Variants in TCF12 observed in about 807,000 individuals in gnomAD.
The protein encoded by TCF12 is DNA-binding protein HTF4.
TCF12 carries 45 observed loss-of-function variants against 86.0 expected under a neutral mutation model. That is an observed-to-expected ratio of 0.52 (90% confidence interval 0.41 to 0.67). The LOEUF is 0.67. Among genes scored for constraint, TCF12 ranks in the 30% least tolerant of loss-of-function variants. TCF12 has a pLI of 0.00. For missense variants in TCF12, 881 were observed against 859.9 expected, an observed-to-expected ratio of 1.02 and a Z score of -0.31; for synonymous variants, 330 against 299.6, an observed-to-expected ratio of 1.10 and a Z score of -1.05.
At chr15:57,108,937 G>C (rs2050312400) in intron 5 of TCF12, among the ~76,000 whole-genome samples, 1 of 152,050 alleles carries the variant, frequency 6.6e-6, no homozygotes, top group South Asian at 2.1e-4. Context: ...AATAAACTAT[G>C]GTGAATTATA....
intron 5 of TCF12, among the ~76,000 whole-genome samples, chr15:57,117,382 T>C (rs1370575140): frequency 6.6e-6 from 1 of 152,208 alleles, no homozygotes; most frequent in Non-Finnish European, 1.5e-5. Context: ...AAAAGGATCT[T>C]AACATCTTCT....
chr15:57,199,605 C>G (rs1457740427), intron 8 of TCF12, among the ~76,000 whole-genome samples: 1 of 152,160 alleles, frequency 6.6e-6, no homozygotes, highest in African/African-American at 2.4e-5. Context: ...ACCAGCATTT[C>G]TTACATTCGT....
chr15:57,068,652 A>G (rs1410218873), intron 4 of TCF12, among the ~76,000 whole-genome samples: 2 of 152,190 alleles, frequency 1.3e-5, no homozygotes, highest in East Asian at 1.9e-4. Flanking sequence ...GGGAACAATC[A>G]TCAGATTTAC....
intron 4 of TCF12, among the ~76,000 whole-genome samples, chr15:57,083,088 A>G (rs1260412886): frequency 1.3e-5 from 2 of 152,206 alleles, no homozygotes; most frequent in African/African-American, 2.4e-5. Context: ...AAGTGATGCT[A>G]TATATCATTT....
Position 57,253,362 on chromosome 15 carries a change from G to C in TCF12, c.1361G>C (p.Ser454Thr). ...TCCACCAGTTTGCCTGCTGGTCACA[G>C]TGATATACATAGTTTATTGGGACCA... ...GPSTSLPAGHSDIHSLLGPSH... is the reference protein window; with the variant it reads ...GPSTSLPAGHTDIHSLLGPSH... The change falls in exon 16 of 21, where the codon AGT (serine) becomes ACT (threonine). Residue 454 changes from serine to threonine, a missense_variant. By Grantham distance (58) the Ser-to-Thr change is moderately conservative. Transcript: ENST00000333725. 1 of 1,614,038 alleles carries C rather than the reference G, an allele frequency of 6.2e-7. No individual in the cohort carries two copies. The highest frequency in any genetic ancestry group is 8.5e-7 in the Non-Finnish European group (1 of 1,179,980).
At chr15:56,929,407 T>C (rs1426586369) in intron 3 of TCF12, among the ~76,000 whole-genome samples, 1 of 152,222 alleles carries the variant, frequency 6.6e-6, no homozygotes, top group Admixed American at 6.5e-5. Flanking sequence ...ACTTTCTTGT[T>C]TCCAGCCAGA....
intron 5 of TCF12, among the ~76,000 whole-genome samples, chr15:57,165,147 TG>T (rs2054789153): frequency 1.3e-5 from 2 of 149,234 alleles, no homozygotes; most frequent in African/African-American, 5.0e-5. Context: ...TGTGTGTGTG[TG>T]TGTGTGTGTG....
At chr15:57,281,463 C>T (rs1463191713) in intron 19 of TCF12, among the ~76,000 whole-genome samples, 1 of 152,212 alleles carries the variant, frequency 6.6e-6, no homozygotes, top group Non-Finnish European at 1.5e-5. Flanking sequence ...TCCCCAACCC[C>T]TGGGCCACGG....
chr15:56,947,685 G>A (rs1370355047), intron 3 of TCF12, among the ~76,000 whole-genome samples: 1 of 152,072 alleles, frequency 6.6e-6, no homozygotes, highest in African/African-American at 2.4e-5. Flanking sequence ...CCCAATTACT[G>A]CATCATGGCT....
chr15:57,192,108 G>T, intron 6 of TCF12, 50 bp from the exon 7 acceptor site: 2 of 1,597,094 alleles, frequency 1.3e-6, no homozygotes, highest in Non-Finnish European at 8.5e-7. Flanking sequence ...TTTCAGGTTT[G>T]GGTCAGTATC....
At chr15:57,059,712 G>A (rs923406827) in intron 3 of TCF12, among the ~76,000 whole-genome samples, 18 of 97,128 alleles carry the variant, frequency 1.9e-4, no homozygotes, top group South Asian at 7.4e-4. Context: ...ACAATAATTT[G>A]TTTACAGGGC....
At chr15:57,225,429 T>C (rs1205744368) in intron 8 of TCF12, among the ~76,000 whole-genome samples, 1 of 151,698 alleles carries the variant, frequency 6.6e-6, no homozygotes, top group Non-Finnish European at 1.5e-5. Flanking sequence ...TTATTTTTAG[T>C]AGAGATGGGG....
At chr15:57,071,339 G>T (rs1271836201) in intron 4 of TCF12, among the ~76,000 whole-genome samples, 1 of 151,940 alleles carries the variant, frequency 6.6e-6, no homozygotes, top group African/African-American at 2.4e-5. Context: ...ATGAACCCAG[G>T]GGTTGAGGTT....
intron 13 of TCF12, among the ~76,000 whole-genome samples, chr15:57,249,019 C>T (rs942843472): frequency 1.3e-5 from 2 of 152,088 alleles, no homozygotes; most frequent in Admixed American, 1.3e-4. Context: ...GGGGGGCTTA[C>T]AGAAGGAGTA....
intron 3 of TCF12, among the ~76,000 whole-genome samples, chr15:56,968,023 T>C (rs2140685713): frequency 6.6e-6 from 1 of 152,196 alleles, no homozygotes; most frequent in East Asian, 1.9e-4. Context: ...TGGTGCGATC[T>C]TGGCTTCCCT....
chr15:57,182,351 T>C (rs1236384129), intron 6 of TCF12, among the ~76,000 whole-genome samples: 1 of 152,176 alleles, frequency 6.6e-6, no homozygotes, highest in African/African-American at 2.4e-5. Flanking sequence ...CTTAGGCTTT[T>C]ATAGTTTAGC....
At chr15:57,152,103 CAG>C (rs1277197680) in intron 5 of TCF12, among the ~76,000 whole-genome samples, 1 of 152,192 alleles carries the variant, frequency 6.6e-6, no homozygotes, top group Non-Finnish European at 1.5e-5. Context: ...CTGGTAAACT[CAG>C]AGTCATCACA....
intron 5 of TCF12, chr15:57,129,745 A>G (rs1313423889): frequency 2.6e-5 from 4 of 152,236 alleles, no homozygotes; most frequent in Non-Finnish European, 5.9e-5. Context: ...GAAGACATTT[A>G]TTAAACGTTA....
At chr15:57,107,763 G>A (rs1180334840) in intron 5 of TCF12, among the ~76,000 whole-genome samples, 1 of 151,894 alleles carries the variant, frequency 6.6e-6, no homozygotes, top group Non-Finnish European at 1.5e-5. Context: ...TAAGAAATGA[G>A]CTGGGTTGGT....
Sources: allele counts gnomAD v4.1 joint callset (sites outside exome capture counted in the v4.1 genomes callset), GRCh38; gene constraint gnomAD v4.1.1; transcripts MANE v1.5; gene names NCBI Gene and HGNC (gene_info 2026-07-23, HGNC 2026-07-21).